Variants in FANCD2 observed in about 807,000 individuals in gnomAD.
FANCD2 encodes FA complementation group D2, also known as Fanconi anemia group D2 protein.
In FANCD2, 131 loss-of-function variants were observed where a neutral mutation model predicts 192.3. That is an observed-to-expected ratio of 0.68 (90% CI 0.59 to 0.79). The LOEUF is 0.79. FANCD2 is among the 30% of genes least tolerant of loss of function. FANCD2 has a pLI of 0.00. For missense variants in FANCD2, 1,508 were observed against 1,701.6 expected, an observed-to-expected ratio of 0.89 and a Z score of 2.00; for synonymous variants, 524 against 612.5, an observed-to-expected ratio of 0.86 and a Z score of 2.13.
chr3:10,062,127 T>A (rs577911285), intron 19 of FANCD2, 24 bp from the exon 20 acceptor site: 496 of 1,566,420 alleles, frequency 3.2e-4, no homozygotes, highest in Admixed American at 3.9e-4. Flanking sequence ...AATAATAATT[T>A]AAAAAAAAAT....
At chr3:10,082,401 A>G (rs542368699) in intron 32 of FANCD2, among the ~76,000 whole-genome samples, 3 of 152,228 alleles carry the variant, frequency 2.0e-5, no homozygotes, top group Non-Finnish European at 4.4e-5. Context: ...CATTCTTCAC[A>G]TGGCAGTAAG....
chr3:10,034,402 C>CTTGGGTT, intron 3 of FANCD2, 67 bp from the exon 4 acceptor site: 2 of 986,098 alleles, frequency 2.0e-6, no homozygotes, highest in South Asian at 2.6e-5. Context: ...AGGCAAGAAA[C>CTTGGGTT]TTGGGTTTTT....
intron 42 of FANCD2, among the ~76,000 whole-genome samples, chr3:10,098,314 G>C (rs1304615847): frequency 6.6e-6 from 1 of 152,198 alleles, no homozygotes; most frequent in East Asian, 1.9e-4. Flanking sequence ...CAGAGCTGAT[G>C]TTCTGAAACC....
intron 43 of FANCD2, chr3:10,099,279 A>G (rs903102447): frequency 1.6e-5 from 20 of 1,271,174 alleles, no homozygotes; most frequent in Non-Finnish European, 2.0e-5. Flanking sequence ...AGAAGTTCTT[A>G]CGCTTTTTTG....
chr3:10,059,542 C>T (rs1408237313), intron 18 of FANCD2, among the ~76,000 whole-genome samples: 1 of 152,198 alleles, frequency 6.6e-6, no homozygotes, highest in Non-Finnish European at 1.5e-5. Context: ...CGTAATCACC[C>T]CTGTAATCCC....
intron 6 of FANCD2, 64 bp downstream of exon 6, chr3:10,035,297 A>G: frequency 7.4e-7 from 1 of 1,360,084 alleles, no homozygotes; most frequent in Non-Finnish European, 1.1e-6. Flanking sequence ...GCTCAAGTCT[A>G]AATAGCGGGA....
chr3:10,031,970 C>T (rs755027159), intron 2 of FANCD2, among the ~76,000 whole-genome samples: 12 of 152,030 alleles, frequency 7.9e-5, no homozygotes, highest in East Asian at 1.9e-4. Context: ...CTCAGCCTCC[C>T]GAGTAGTTGG....
intron 10 of FANCD2, 89 bp from the exon 11 acceptor site, chr3:10,042,470 G>T: frequency 9.3e-7 from 1 of 1,079,200 alleles, no homozygotes; most frequent in South Asian, 1.3e-5. Context: ...TAAGAGAAGT[G>T]ATTTTTTTCT....
chr3:10,099,209 T>G, intron 43 of FANCD2: 15 of 1,370,336 alleles, frequency 1.1e-5, no homozygotes, highest in Non-Finnish European at 1.4e-5. Context: ...TGTGAAAGCA[T>G]TTGGTGAAAG....
intron 2 of FANCD2, among the ~76,000 whole-genome samples, chr3:10,030,275 T>C (rs1162024937): frequency 6.6e-6 from 1 of 151,692 alleles, no homozygotes; most frequent in African/African-American, 2.4e-5. Flanking sequence ...TTTTGTATTT[T>C]TAGTAGAGAA....
intron 15 of FANCD2, 103 bp downstream of exon 15, chr3:10,046,826 T>G: frequency 9.5e-7 from 1 of 1,048,660 alleles, no homozygotes; most frequent in Non-Finnish European, 1.4e-6. Context: ...CCCATTGAGA[T>G]TTTTGAATTT....
chr3:10,048,524 C>T (rs1342345061), intron 16 of FANCD2, among the ~76,000 whole-genome samples: 1 of 152,144 alleles, frequency 6.6e-6, no homozygotes, highest in East Asian at 1.9e-4. Context: ...AGGCTGGTCT[C>T]GAACTCCTGA....
intron 2 of FANCD2, among the ~76,000 whole-genome samples, chr3:10,031,007 T>C (rs928798009): frequency 1.3e-5 from 2 of 151,970 alleles, no homozygotes; most frequent in African/African-American, 2.4e-5. Context: ...AGGAATAATA[T>C]AGGAAATTAC....
intron 19 of FANCD2, among the ~76,000 whole-genome samples, chr3:10,061,235 G>T (rs2087558847): frequency 6.6e-6 from 1 of 152,164 alleles, no homozygotes; most frequent in South Asian, 2.1e-4. Flanking sequence ...CTCCTCTATT[G>T]CTGGCTGCCC....
At chr3:10,061,640 C>T (rs1274466429) in intron 19 of FANCD2, among the ~76,000 whole-genome samples, 1 of 152,086 alleles carries the variant, frequency 6.6e-6, no homozygotes, top group Non-Finnish European at 1.5e-5. Flanking sequence ...TAATTAAGTG[C>T]TTCCTCTAAT....
Position 10,039,213 on chromosome 3 carries a change from A to AG in FANCD2, c.492-66_492-65insG. On this transcript the variant is annotated intron_variant, in intron 7 of 43. Transcript: ENST00000675286. ...GAATGGCTAAAATATTTTGTGCAGT[A>AG]TTAATGCTTGCTGTTATTTTGACCA... 12 of 1,188,968 alleles carry AG rather than the reference A, an allele frequency of 1.0e-5. No individual in the cohort carries two copies. In the South Asian group the frequency reaches 1.5e-4, roughly 15 times the overall value. The allele number at this position is 1,188,968 out of a possible 1,614,324, so 73.7% of individuals were successfully genotyped here. A position where few individuals can be genotyped will look rare whatever the true frequency, so the allele number is the denominator to read the frequency against.
Position 10,034,543 on chromosome 3 carries a change from A to G in FANCD2, c.273+7A>G. 1.2e-6 allele frequency: 2 copies of G among 1,606,464 alleles called. No individual in the cohort carries two copies. Among genetic ancestry groups the G allele is most frequent in the Non-Finnish European group, 1.7e-6 (2 of 1,173,140 alleles). ...ACACCCTTCCTATCCCAAAGTATGTATTTTTCCCCTGGTATTTTTGCTTGT... is the reference window on the plus strand; with the variant it reads ...ACACCCTTCCTATCCCAAAGTATGTGTTTTTCCCCTGGTATTTTTGCTTGT... On this transcript the variant is annotated splice_region_variant and intron_variant, in intron 4 of 43. Transcript: ENST00000675286.
chr3:10,033,530 A>G (rs2086652738), intron 3 of FANCD2, among the ~76,000 whole-genome samples: 1 of 152,002 alleles, frequency 6.6e-6, no homozygotes, highest in South Asian at 2.1e-4. Flanking sequence ...TTTCTTATGA[A>G]AAAATAAATA....
In FANCD2 at chr3:10,078,135, C is replaced by A; in HGVS notation, c.2914C>A (p.Leu972Ile). The A allele has an allele frequency of 6.2e-7, 1 of 1,613,982 alleles. No individual in the cohort carries two copies. Among genetic ancestry groups the A allele is most frequent in the South Asian group, 1.1e-5 (1 of 91,080 alleles). ...TGAGCTGCTTTTCTTGCTGGAAGATCTCTCCCAGAAGCTGGAGAGTATGCT... is the reference window on the plus strand; with the variant it reads ...TGAGCTGCTTTTCTTGCTGGAAGATATCTCCCAGAAGCTGGAGAGTATGCT... ...PPELLFLLED[L>I]SQKLESMLTP... Residue 972 changes from leucine (L) to isoleucine (I), a missense_variant, in exon 30 of 44, where the codon CTC becomes ATC. By Grantham distance (5) the Leu-to-Ile change is conservative. This residue lies in a region of FANCD2 where 796 missense variants were observed against 879.4 expected (regional missense o/e 0.91). Transcript: ENST00000675286.
Sources: allele counts gnomAD v4.1 joint callset (sites outside exome capture counted in the v4.1 genomes callset), GRCh38; gene constraint gnomAD v4.1.1; regional missense constraint gnomAD v4.1.1; transcripts MANE v1.5; gene names NCBI Gene and HGNC (gene_info 2026-07-23, HGNC 2026-07-21).